Variants in EPS8 observed in about 807,000 individuals in gnomAD.
EPS8 encodes epidermal growth factor receptor kinase substrate 8.
EPS8 carries 42 observed loss-of-function variants against 103.8 expected under a neutral mutation model. The ratio of observed to expected loss-of-function variants is 0.40; its 90% CI spans 0.32 to 0.52. The LOEUF is 0.52. EPS8 is among the 20% of genes least tolerant of loss of function. EPS8 has a pLI of 0.40. For missense variants in EPS8, 969 were observed against 1,005.1 expected, an observed-to-expected ratio of 0.96 and a Z score of 0.49; for synonymous variants, 344 against 344.6, an observed-to-expected ratio of 1.00 and a Z score of 0.02.
rs879759996 is a variant in EPS8, at chr12:15,702,008, A to G, written c.-21-19036T>C. ...TCATATTTATAACTGGTTCATGGAA[A>G]CTAGTTTAAATATTAAATGACTACA... On this transcript the variant is annotated intron_variant, in intron 1 of 20. Transcript: ENST00000281172. The surrounding 1 kb of genome is among the most constrained non-coding windows in gnomAD (Gnocchi z 5.1). Among the ~76,000 whole-genome samples, 4 of 152,248 alleles carry G rather than the reference A, an allele frequency of 2.6e-5. No homozygotes were observed. The highest frequency in any genetic ancestry group is 5.9e-5 in the Non-Finnish European group (4 of 68,036).
At chr12:15,660,468 T>TC in intron 10 of EPS8, 146 bp downstream of exon 10, 1 of 600,912 alleles carries the variant, frequency 1.7e-6, no homozygotes. Context: ...TTCATCACAT[T>TC]GGTCAGGCTA....
Position 15,764,203 on chromosome 12 carries a change from G to A in EPS8, c.-22+24958C>T, listed in dbSNP as rs1012282314. 5.9e-5 allele frequency among the ~76,000 whole-genome samples: 9 copies of A among 152,088 alleles called. No individual in the cohort carries two copies. The highest frequency in any genetic ancestry group is 2.1e-4 in the South Asian group (1 of 4,820). On this transcript the variant is annotated intron_variant, in intron 1 of 20. Transcript: ENST00000281172. This position sits in a 1 kb window ranked among gnomAD's most constrained non-coding sequence, Gnocchi z 4.1. ...CCCCTTTATAAAACCATCAGATCTC[G>A]TGAGACTTATTCACTGTCACAAGAA... is the stretch of plus-strand genomic sequence containing the variant.
intron 8 of EPS8, among the ~76,000 whole-genome samples, chr12:15,663,950 T>TAATA (rs375723916): frequency 0.089 from 5,448 of 61,176 alleles, 326 homozygotes; most frequent in African/African-American, 0.2. Context: ...AAAAAAATAA[T>TAATA]ATATATATAT....
chr12:15,630,388 ATAC>A (rs1353966958), intron 18 of EPS8, among the ~76,000 whole-genome samples: 1 of 152,224 alleles, frequency 6.6e-6, no homozygotes, highest in African/African-American at 2.4e-5. Context: ...GACATGCCAT[ATAC>A]TACAAGGTTA....
chr12:15,687,875 CT>C (rs1444840410), intron 1 of EPS8, among the ~76,000 whole-genome samples: 2 of 152,130 alleles, frequency 1.3e-5, no homozygotes, highest in African/African-American at 4.8e-5. Flanking sequence ...GGAAACTATG[CT>C]AATTTTAAAA....
chr12:15,697,636 A>G lies in EPS8; in HGVS notation c.-21-14664T>C, dbSNP rs1946260299. On this transcript the variant is annotated intron_variant, in intron 1 of 20. Coordinates refer to ENST00000281172, the MANE Select transcript of EPS8 (RefSeq NM_004447.6). The surrounding 1 kb of genome is among the most constrained non-coding windows in gnomAD (Gnocchi z 5.6). ...CCACATAGAGGAAAATAATGGCTAG[A>G]GTTTTTTACCCAAAAATCACATGCT... Among the ~76,000 whole-genome samples the G allele has an allele frequency of 6.6e-6, 1 of 152,214 alleles. No homozygotes were observed. Among genetic ancestry groups the G allele is most frequent in the Non-Finnish European group, 1.5e-5 (1 of 68,022 alleles).
intron 1 of EPS8, among the ~76,000 whole-genome samples, chr12:15,732,480 C>G (rs1946727537): frequency 6.6e-6 from 1 of 152,060 alleles, no homozygotes; most frequent in African/African-American, 2.4e-5. Flanking sequence ...AACACTACAC[C>G]CCTTTTACAA....
Position 15,704,624 on chromosome 12 carries a change from G to A in EPS8, c.-21-21652C>T, listed in dbSNP as rs1392980610. 6.6e-6 allele frequency among the ~76,000 whole-genome samples: 1 copy of A among 152,138 alleles called. No individual in the cohort carries two copies. Among genetic ancestry groups the A allele is most frequent in the Non-Finnish European group, 1.5e-5 (1 of 68,026 alleles). The stretch of plus-strand genomic sequence containing the variant: ...TTTGGGGCACAGAGATTCCATTCAG[G>A]AAGATGAAAAACTCCTAGAGATGGA... On this transcript the variant is annotated intron_variant, in intron 1 of 20. Coordinates refer to ENST00000281172, the MANE Select transcript of EPS8 (RefSeq NM_004447.6). This position sits in a 1 kb window ranked among gnomAD's most constrained non-coding sequence, Gnocchi z 4.6.
chr12:15,674,203 C>T lies in EPS8; in HGVS notation c.137-3280G>A, dbSNP rs199606728. Among the ~76,000 whole-genome samples, 10 of 152,144 alleles carry T rather than the reference C, an allele frequency of 6.6e-5. No individual in the cohort carries two copies. In the East Asian group the frequency reaches 9.6e-4, roughly 15 times the overall value. ...TTTATGCATAATATAACATTTGAAA[C>T]GGCTAATATTCAAAGATACAGCTAA... On this transcript the variant is annotated intron_variant, in intron 3 of 20. Coordinates refer to ENST00000281172, the MANE Select transcript of EPS8 (RefSeq NM_004447.6).
chr12:15,637,357 C>T (rs1382377302), intron 17 of EPS8, among the ~76,000 whole-genome samples: 2 of 152,262 alleles, frequency 1.3e-5, no homozygotes, highest in African/African-American at 4.8e-5. Context: ...TTCTCTAGAA[C>T]AGCAGAATGC....
intron 1 of EPS8, among the ~76,000 whole-genome samples, chr12:15,782,637 T>G (rs1947271706): frequency 6.6e-6 from 1 of 152,180 alleles, no homozygotes. Flanking sequence ...CTTTATCATT[T>G]TATGGTAGTA....
chr12:15,623,093 A>G, intron 20 of EPS8, 65 bp downstream of exon 20: 3 of 1,512,178 alleles, frequency 2.0e-6, no homozygotes, highest in Non-Finnish European at 2.7e-6. Flanking sequence ...CAATATGGAC[A>G]TAAATAGTTG....
At chr12:15,676,259 C>CAAAAA (rs888576581) in intron 3 of EPS8, among the ~76,000 whole-genome samples, 1 of 16,320 alleles carries the variant, frequency 6.1e-5, no homozygotes, top group Non-Finnish European at 1.3e-4. Flanking sequence ...GACTCCATCT[C>CAAAAA]AAAAAAAAAA....
intron 17 of EPS8, among the ~76,000 whole-genome samples, chr12:15,637,784 G>A (rs1945162173): frequency 6.6e-6 from 1 of 152,200 alleles, no homozygotes; most frequent in East Asian, 1.9e-4. Context: ...CATATCTGAG[G>A]AGGAGAAAGA....
At chr12:15,625,532 G>T (rs532458925) in intron 18 of EPS8, among the ~76,000 whole-genome samples, 1 of 151,744 alleles carries the variant, frequency 6.6e-6, no homozygotes, top group Non-Finnish European at 1.5e-5. Context: ...TCTTAATGTC[G>T]CCGAAATTCA....
chr12:15,673,412 G>A (rs1250543862), intron 3 of EPS8, among the ~76,000 whole-genome samples: 1 of 152,016 alleles, frequency 6.6e-6, no homozygotes, highest in Non-Finnish European at 1.5e-5. Flanking sequence ...TTCCTAAAAG[G>A]CAATTATAAT....
chr12:15,647,162 A>C lies in EPS8; in HGVS notation c.1533T>G (p.Val511=). The C allele has an allele frequency of 6.2e-7, 1 of 1,614,050 alleles. No homozygotes were observed. The stretch of plus-strand genomic sequence containing the variant: ...GGCGATTAGAAGTTGGCTTAAAAGC[A>C]ACAGCAGCTTCCCCTTGGTCCAGGT... ...GSHLDQGEAA[V]AFKPTSNRHI... The change falls in exon 15 of 21, where the codon GTT becomes GTG. Residue 511 remains valine, a synonymous_variant. Transcript: ENST00000281172.
At position 15,690,033 on chromosome 12, in the gene EPS8, GA is replaced by G. The variant is rs1170222807; in HGVS notation, c.-21-7062del. Among the ~76,000 whole-genome samples, 1 of 152,108 alleles carries G rather than the reference GA, an allele frequency of 6.6e-6. No homozygotes were observed. Among genetic ancestry groups the G allele is most frequent in the Admixed American group, 6.6e-5 (1 of 15,264 alleles). On this transcript the variant is annotated intron_variant, in intron 1 of 20. Transcript: ENST00000281172. The surrounding 1 kb of genome is among the most constrained non-coding windows in gnomAD (Gnocchi z 4.7). Reference sequence around the variant, plus strand: ...ACAGCAAGAAGAGCTGTAACCCAAGGATGAGATATAATATTTTAATATTTAA... The same window carrying G: ...ACAGCAAGAAGAGCTGTAACCCAAGGTGAGATATAATATTTTAATATTTAA...
chr12:15,740,373 C>T (rs889545024), intron 1 of EPS8, among the ~76,000 whole-genome samples: 7 of 151,622 alleles, frequency 4.6e-5, no homozygotes, highest in Non-Finnish European at 7.4e-5. Context: ...GGTGAAACCC[C>T]GTCTCTACTA....
Sources: gnomAD v4.1 joint callset for allele counts (sites outside exome capture counted in the v4.1 genomes callset) on GRCh38, gnomAD v4.1.1 for gene constraint, Gnocchi (gnomAD v3.1) non-coding constraint, MANE v1.5 for transcripts, NCBI Gene and HGNC (gene_info 2026-07-23, HGNC 2026-07-21) for gene names.